The following EYS variants were observed in gnomAD, a reference collection of about 807,000 sequenced individuals.
EYS encodes EGF-like photoreceptor maintenance factor.
EYS carries 250 observed loss-of-function variants against 282.1 expected under a neutral mutation model. That is an observed-to-expected ratio of 0.89 (90% CI 0.80 to 0.98). EYS has a LOEUF of 0.98. Among genes scored for constraint, EYS ranks in the 50% least tolerant of loss-of-function variants. The pLI, the probability that EYS is intolerant of heterozygous loss-of-function variation, is 0.00. For synonymous variants in EYS, 1,355 were observed against 1,282.9 expected (o/e 1.06, Z -1.20); for missense variants, 4,016 against 3,709.0 (o/e 1.08, Z -2.15).
At chr6:65,241,420 C>A (rs1189878607) in intron 12 of EYS, among the ~76,000 whole-genome samples, 1 of 152,064 alleles carries the variant, frequency 6.6e-6, no homozygotes, top group Non-Finnish European at 1.5e-5. Flanking sequence ...GAGTCAGTAG[C>A]AAACAAGTTT....
At chr6:65,260,649 T>G (rs1453706017) in intron 12 of EYS, among the ~76,000 whole-genome samples, 1 of 152,114 alleles carries the variant, frequency 6.6e-6, no homozygotes, top group East Asian at 1.9e-4. Flanking sequence ...TATAAATTTA[T>G]AAACTGTGAA....
intron 26 of EYS, among the ~76,000 whole-genome samples, chr6:64,467,306 G>C (rs1325516453): frequency 1.3e-5 from 2 of 152,028 alleles, no homozygotes; most frequent in Admixed American, 6.6e-5. Flanking sequence ...AAAATAGCTA[G>C]AACAGTTATA....
At chr6:63,964,122 T>C (rs1766199325) in intron 35 of EYS, among the ~76,000 whole-genome samples, 1 of 152,198 alleles carries the variant, frequency 6.6e-6, no homozygotes, top group South Asian at 2.1e-4. Flanking sequence ...CCTTCCCCCA[T>C]TTTAATTTGA....
intron 30 of EYS, among the ~76,000 whole-genome samples, chr6:64,279,090 C>T (rs1472699620): frequency 6.6e-6 from 1 of 152,116 alleles, no homozygotes; most frequent in Non-Finnish European, 1.5e-5. Context: ...TTTAATTTTC[C>T]TGTTAACTTA....
intron 26 of EYS, among the ~76,000 whole-genome samples, chr6:64,523,166 T>G (rs1365801481): frequency 6.6e-6 from 1 of 151,734 alleles, no homozygotes; most frequent in East Asian, 1.9e-4. Context: ...ACTCATGGTT[T>G]TAGTCTTCCT....
At chr6:65,576,207 C>T (rs111714339) in intron 2 of EYS, among the ~76,000 whole-genome samples, 273 of 152,052 alleles carry the variant, frequency 1.8e-3, no homozygotes, top group Middle Eastern at 3.4e-3. Flanking sequence ...ATTTCAACAG[C>T]ACACTAAAAG....
At chr6:64,754,170 A>G (rs1772855507) in intron 22 of EYS, among the ~76,000 whole-genome samples, 1 of 152,120 alleles carries the variant, frequency 6.6e-6, no homozygotes. Flanking sequence ...TCAAAAATTA[A>G]CAACATATCA....
chr6:65,614,847 CAT>C (rs1766127584), intron 2 of EYS, among the ~76,000 whole-genome samples: 1 of 148,948 alleles, frequency 6.7e-6, no homozygotes, highest in Non-Finnish European at 1.5e-5. Flanking sequence ...ACAATCTATG[CAT>C]ATTCTGTAGT....
intron 29 of EYS, among the ~76,000 whole-genome samples, chr6:64,323,665 T>A (rs1202563784): frequency 6.6e-6 from 1 of 152,196 alleles, no homozygotes; most frequent in Non-Finnish European, 1.5e-5. Context: ...TTCTTCACAC[T>A]GATTTTGGGA....
At chr6:64,130,093 C>G (rs1018229560) in intron 31 of EYS, among the ~76,000 whole-genome samples, 4 of 152,116 alleles carry the variant, frequency 2.6e-5, no homozygotes, top group Admixed American at 1.3e-4. Context: ...GGATCTAGAA[C>G]TGGAAATACC....
At chr6:64,419,190 G>A (rs781764741) in intron 28 of EYS, among the ~76,000 whole-genome samples, 13 of 152,092 alleles carry the variant, frequency 8.5e-5, no homozygotes, top group Non-Finnish European at 1.9e-4. Flanking sequence ...ACCCAAGACT[G>A]GGTAATTTAT....
chr6:65,039,606 A>G (rs1772872634), intron 13 of EYS, among the ~76,000 whole-genome samples: 1 of 151,486 alleles, frequency 6.6e-6, no homozygotes, highest in Non-Finnish European at 1.5e-5. Flanking sequence ...ACATTTTTCC[A>G]TTCTTATATA....
Position 64,590,562 on chromosome 6 carries a change from C to T in EYS, c.5305G>A (p.Asp1769Asn). Residue 1769 changes from aspartate to asparagine, a missense_variant, in exon 26 of 43, where the codon GAC becomes AAC. Physicochemically the swap from Asp to Asn is conservative, Grantham distance 23. Transcript: ENST00000503581. Reference sequence around the variant, plus strand: ...AATGGTGGCAGATTATTTTTGAAGTCATTTGCATGTGTAATTTCTGAATAT... The same window carrying T: ...AATGGTGGCAGATTATTTTTGAAGTTATTTGCATGTGTAATTTCTGAATAT... ...KTYSEITHAN[D>N]FKNNLPPLTG... The T allele has an allele frequency of 6.4e-7, 1 of 1,551,294 alleles. No individual in the cohort carries two copies. Among genetic ancestry groups the T allele is most frequent in the Non-Finnish European group, 8.7e-7 (1 of 1,146,756 alleles).
intron 33 of EYS, among the ~76,000 whole-genome samples, chr6:64,021,276 G>A (rs901269406): frequency 6.6e-6 from 1 of 152,020 alleles, no homozygotes; most frequent in African/African-American, 2.4e-5. Context: ...CCAGGTACTG[G>A]ATTCAACGCC....
At chr6:64,669,553 A>C (rs1769366294) in intron 22 of EYS, among the ~76,000 whole-genome samples, 1 of 152,022 alleles carries the variant, frequency 6.6e-6, no homozygotes, top group South Asian at 2.1e-4. Flanking sequence ...AATGAAATGA[A>C]TTTTCTGTAA....
At chr6:65,366,320 CT>C (rs1392049579) in intron 8 of EYS, among the ~76,000 whole-genome samples, 12 of 151,636 alleles carry the variant, frequency 7.9e-5, no homozygotes, top group Admixed American at 2.0e-4. Flanking sequence ...AGAATTTTAA[CT>C]AATGAAAGTT....
chr6:65,488,716 A>G (rs1765908818), intron 5 of EYS, among the ~76,000 whole-genome samples: 1 of 152,166 alleles, frequency 6.6e-6, no homozygotes, highest in Non-Finnish European at 1.5e-5. Flanking sequence ...ATGCTACCTA[A>G]CTTCAAATTT....
intron 30 of EYS, among the ~76,000 whole-genome samples, chr6:64,254,319 A>G (rs1368637298): frequency 6.6e-6 from 1 of 152,116 alleles, no homozygotes; most frequent in Non-Finnish European, 1.5e-5. Context: ...AAAAAGGTGC[A>G]TGCTGTTTTC....
chr6:63,769,750 A>G (rs189900739), intron 40 of EYS, among the ~76,000 whole-genome samples: 6 of 152,168 alleles, frequency 3.9e-5, no homozygotes, highest in Admixed American at 3.9e-4. Flanking sequence ...CTGACCGTCA[A>G]TTTTATAGCT....
Sources: allele counts gnomAD v4.1 joint callset (sites outside exome capture counted in the v4.1 genomes callset), GRCh38; gene constraint gnomAD v4.1.1; transcripts MANE v1.5; gene names NCBI Gene and HGNC (gene_info 2026-07-23, HGNC 2026-07-21).